The following PIEZO2 variants were observed in gnomAD, a reference collection of about 807,000 sequenced individuals.
The protein encoded by PIEZO2 is piezo type mechanosensitive ion channel component 2.
Under a neutral mutation model 337.3 loss-of-function variants are expected in PIEZO2, and 172 were observed. That is an observed-to-expected ratio of 0.51 (90% confidence interval 0.45 to 0.58). The LOEUF is 0.58. Among genes scored for constraint, PIEZO2 ranks in the 20% least tolerant of loss-of-function variants. The pLI is 0.00. For missense variants in PIEZO2, 3,028 were observed against 3,391.3 expected (o/e 0.89, Z 2.66); for synonymous variants, 1,251 against 1,228.5 (o/e 1.02, Z -0.38).
intron 4 of PIEZO2, among the ~76,000 whole-genome samples, chr18:10,898,207 T>C (rs1337595533): frequency 6.6e-6 from 1 of 152,138 alleles, no homozygotes; most frequent in Non-Finnish European, 1.5e-5. Context: ...TAAAATATTG[T>C]ATATGAGATC....
At position 10,952,714 on chromosome 18, in the gene PIEZO2, C is replaced by T. The variant is rs1380089718; in HGVS notation, c.286+26821G>A. ...GGAGGAAATATCACCCAGTGGGATT[C>T]CTGGACTGAATAGTAAGTATATGGT... On this transcript the variant is annotated intron_variant, in intron 3 of 55. Transcript: ENST00000674853. The surrounding 1 kb of genome is among the most constrained non-coding windows in gnomAD (Gnocchi z 4.1). 6.6e-6 allele frequency among the ~76,000 whole-genome samples: 1 copy of T among 152,154 alleles called. No homozygotes were observed. The highest frequency in any genetic ancestry group is 1.5e-5 in the Non-Finnish European group (1 of 68,024).
rs2032691744 is a variant in PIEZO2, at chr18:10,940,920, G to T, written c.287-29692C>A. On this transcript the variant is annotated intron_variant, in intron 3 of 55. Coordinates refer to ENST00000674853, the MANE Select transcript of PIEZO2 (RefSeq NM_001378183.1). This position sits in a 1 kb window ranked among gnomAD's most constrained non-coding sequence, Gnocchi z 5.3. Reference sequence around the variant, plus strand: ...TCATGGTTACCCATTACTATAGCAAGGTTATAGAGAAAATATATATGGCTC... The same window carrying T: ...TCATGGTTACCCATTACTATAGCAATGTTATAGAGAAAATATATATGGCTC... Among the ~76,000 whole-genome samples the T allele has an allele frequency of 2.0e-5, 3 of 151,838 alleles. No individual in the cohort carries two copies. Among genetic ancestry groups the T allele is most frequent in the African/African-American group, 7.3e-5 (3 of 41,350 alleles).
At chr18:10,722,217 T>C (rs1300815528) in intron 36 of PIEZO2, among the ~76,000 whole-genome samples, 2 of 150,484 alleles carry the variant, frequency 1.3e-5, no homozygotes, top group East Asian at 3.9e-4. Flanking sequence ...CTGCATCATA[T>C]TTGGGAGGAG....
rs1273452437 is a variant in PIEZO2 at position 10,969,917 on chromosome 18, T to G, written c.286+9618A>C. The stretch of plus-strand genomic sequence containing the variant: ...GCCATACCTTTATTTCTCCTTTTTT[T>G]GGCTGCTATTAATTCATTTATTCAT... On this transcript the variant is annotated intron_variant, in intron 3 of 55. Transcript: ENST00000674853. The surrounding 1 kb of genome is among the most constrained non-coding windows in gnomAD (Gnocchi z 4.5). Among the ~76,000 whole-genome samples the G allele has an allele frequency of 6.6e-6, 1 of 152,172 alleles. No homozygotes were observed. Among genetic ancestry groups the G allele is most frequent in the African/African-American group, 2.4e-5 (1 of 41,446 alleles).
intron 4 of PIEZO2, among the ~76,000 whole-genome samples, chr18:10,905,325 G>A (rs1399000048): frequency 6.6e-6 from 1 of 152,146 alleles, no homozygotes; most frequent in East Asian, 1.9e-4. Context: ...GTTCACGCCT[G>A]TAATCTCAGC....
At chr18:11,041,443 C>A (rs2037117035) in intron 2 of PIEZO2, among the ~76,000 whole-genome samples, 1 of 152,128 alleles carries the variant, frequency 6.6e-6, no homozygotes, top group South Asian at 2.1e-4. Context: ...CATGAATAGA[C>A]AAAGGCATGA....
chr18:10,765,686 G>T (rs185756307), intron 21 of PIEZO2, among the ~76,000 whole-genome samples: 1 of 152,034 alleles, frequency 6.6e-6, no homozygotes, highest in Non-Finnish European at 1.5e-5. Flanking sequence ...GGGGCCTGGA[G>T]TTCAAAGAGA....
At chr18:10,729,141 G>A (rs1288786148) in intron 36 of PIEZO2, among the ~76,000 whole-genome samples, 1 of 152,022 alleles carries the variant, frequency 6.6e-6, no homozygotes, top group Non-Finnish European at 1.5e-5. Context: ...ACCTGTTCCA[G>A]CAATTGTGTA....
chr18:11,051,360 TGTGTGTGTGG>T (rs1412431924), intron 2 of PIEZO2, among the ~76,000 whole-genome samples: 3 of 151,456 alleles, frequency 2.0e-5, no homozygotes, highest in African/African-American at 2.4e-5. Flanking sequence ...TGTGTGTGTG[TGTGTGTGTGG>T]GTGTGGGTGT....
chr18:10,748,655 C>T lies in PIEZO2; in HGVS notation c.4265-25G>A. 7.1e-7 allele frequency: 1 copy of T among 1,406,010 alleles called. No individual in the cohort carries two copies. Among genetic ancestry groups the T allele is most frequent in the Non-Finnish European group, 9.2e-7 (1 of 1,083,294 alleles). The allele number at this position is 1,406,010 out of a possible 1,614,324, so 87.1% of individuals were successfully genotyped here. A position where few individuals can be genotyped will look rare whatever the true frequency, so the allele number is the denominator to read the frequency against. On this transcript the variant is annotated intron_variant, in intron 29 of 55. Transcript: ENST00000674853. This position sits in a 1 kb window ranked among gnomAD's most constrained non-coding sequence, Gnocchi z 5.1. ...GCTATAGTAACAGTAGAAAAACACA[C>T]ATTAAAATTAACATCCATTTTCATT...
intron 2 of PIEZO2, among the ~76,000 whole-genome samples, chr18:11,043,653 A>G (rs965074184): frequency 6.6e-6 from 1 of 152,184 alleles, no homozygotes; most frequent in African/African-American, 2.4e-5. Context: ...TATCCATATT[A>G]TCCCTAAACA....
At chr18:10,728,746 A>G (rs1337746256) in intron 36 of PIEZO2, among the ~76,000 whole-genome samples, 1 of 151,858 alleles carries the variant, frequency 6.6e-6, no homozygotes, top group Non-Finnish European at 1.5e-5. Context: ...ATGAGGTCAG[A>G]AGATCGAGAC....
At chr18:10,712,879 AG>A (rs1389001556) in intron 39 of PIEZO2, among the ~76,000 whole-genome samples, 4 of 152,346 alleles carry the variant, frequency 2.6e-5, no homozygotes, top group Non-Finnish European at 5.9e-5. Flanking sequence ...AATCATAACG[AG>A]TTTCTGTCCT....
intron 7 of PIEZO2, among the ~76,000 whole-genome samples, chr18:10,818,978 A>G (rs2040443800): frequency 6.6e-6 from 1 of 152,186 alleles, no homozygotes; most frequent in South Asian, 2.1e-4. Flanking sequence ...TCTATTGGCC[A>G]TTTATTTTTT....
At chr18:10,751,235 T>C (rs758685762) in intron 28 of PIEZO2, among the ~76,000 whole-genome samples, 3 of 152,194 alleles carry the variant, frequency 2.0e-5, no homozygotes, top group Non-Finnish European at 2.9e-5. Context: ...ATACATCAAA[T>C]AGTGCTCAGT....
intron 1 of PIEZO2, among the ~76,000 whole-genome samples, chr18:11,084,202 CAG>C (rs1351431278): frequency 1.3e-3 from 180 of 134,498 alleles, no homozygotes; most frequent in African/African-American, 4.9e-3. Flanking sequence ...AAAAAAAAGA[CAG>C]AGAGAGAGAG....
chr18:10,951,987 G>C (rs774142311), intron 3 of PIEZO2, among the ~76,000 whole-genome samples: 1 of 152,140 alleles, frequency 6.6e-6, no homozygotes, highest in Non-Finnish European at 1.5e-5. Flanking sequence ...GTCAAGTATA[G>C]GGCTTCTTAT....
intron 3 of PIEZO2, among the ~76,000 whole-genome samples, chr18:10,914,096 G>A (rs1184521430): frequency 2.6e-5 from 4 of 152,218 alleles, no homozygotes; most frequent in Admixed American, 1.3e-4. Context: ...TTCAGTTGCT[G>A]GGGAATTCTT....
At chr18:10,852,899 T>G in intron 7 of PIEZO2, among the ~76,000 whole-genome samples, 1 of 151,000 alleles carries the variant, frequency 6.6e-6, no homozygotes. Flanking sequence ...AGTCAGGAGG[T>G]TTTTACACTG....
Sources: allele counts gnomAD v4.1 joint callset (sites outside exome capture counted in the v4.1 genomes callset), GRCh38; gene constraint gnomAD v4.1.1; non-coding constraint Gnocchi (gnomAD v3.1); transcripts MANE v1.5; gene names NCBI Gene and HGNC (gene_info 2026-07-23, HGNC 2026-07-21).